The following EXOC1L variants were observed in gnomAD, a reference collection of about 807,000 sequenced individuals.
EXOC1L encodes exocyst complex component 1 like, also known as exocyst complex component 1-like.
EXOC1L carries 10 observed loss-of-function variants against 4.9 expected under a neutral mutation model. That is an observed-to-expected ratio of 2.02 (90% confidence interval 1.25 to 3.43). The LOEUF (loss-of-function observed/expected upper bound fraction) is 3.43, where lower values mean the gene tolerates loss of function less well. Among genes scored for constraint, EXOC1L ranks in the 30% most tolerant of loss-of-function variants. The probability of loss-of-function intolerance (pLI) is 0.00; values close to 1 mark genes in which losing one functional copy is unlikely to be tolerated. For synonymous variants in EXOC1L, 41 were observed against 20.8 expected, an observed-to-expected ratio of 1.97 and a Z score of -2.63; for missense variants, 114 against 59.4, an observed-to-expected ratio of 1.92 and a Z score of -3.02.
At chr4:55,834,056 C>T (rs1720101184) in intron 2 of EXOC1L, among the ~76,000 whole-genome samples, 1 of 151,942 alleles carries the variant, frequency 6.6e-6, no homozygotes, top group African/African-American at 2.4e-5. Flanking sequence ...GCATTTATTA[C>T]ATTTTTTACA....
At chr4:55,824,349 A>T (rs940083168) in intron 1 of EXOC1L, among the ~76,000 whole-genome samples, 5 of 151,450 alleles carry the variant, frequency 3.3e-5, no homozygotes, top group African/African-American at 1.2e-4. Flanking sequence ...CTATGGAGGA[A>T]TTTATTTAAA....
At chr4:55,827,626 A>G (rs569316725) in intron 1 of EXOC1L, among the ~76,000 whole-genome samples, 1 of 152,334 alleles carries the variant, frequency 6.6e-6, no homozygotes, top group South Asian at 2.1e-4. Flanking sequence ...CATGCTTTTC[A>G]TAACATGTAG....
At chr4:55,829,259 T>C (rs1467585126) in intron 1 of EXOC1L, among the ~76,000 whole-genome samples, 1 of 152,204 alleles carries the variant, frequency 6.6e-6, no homozygotes, top group African/African-American at 2.4e-5. Context: ...CTAAGTTCTT[T>C]ATATATTTTG....
intron 1 of EXOC1L, among the ~76,000 whole-genome samples, chr4:55,827,610 C>T (rs1426484468): frequency 6.6e-6 from 1 of 152,128 alleles, no homozygotes; most frequent in Admixed American, 6.6e-5. Context: ...CTACAAATGA[C>T]CATAACATGC....
chr4:55,826,511 A>G (rs1719890388), intron 1 of EXOC1L, among the ~76,000 whole-genome samples: 1 of 152,242 alleles, frequency 6.6e-6, no homozygotes, highest in African/African-American at 2.4e-5. Flanking sequence ...TAAAATTATA[A>G]TTCTGAAAAT....
At chr4:55,823,780 C>T (rs1719806786) in intron 1 of EXOC1L, among the ~76,000 whole-genome samples, 2 of 152,132 alleles carry the variant, frequency 1.3e-5, no homozygotes, top group South Asian at 4.1e-4. Context: ...ACGATTTCGG[C>T]TCACTGCAAT....
chr4:55,831,092 A>G (rs2110284120), intron 1 of EXOC1L, among the ~76,000 whole-genome samples: 1 of 152,306 alleles, frequency 6.6e-6, no homozygotes, highest in Middle Eastern at 3.4e-3. Flanking sequence ...GTTCTATTTA[A>G]CAGACATTAC....
At position 55,837,246 on chromosome 4, in the gene EXOC1L, T is replaced by C; in HGVS notation, c.414T>C (p.Asp138=). Residue 138 remains aspartate (D), a synonymous_variant, in exon 3 of 3, where the codon GAT becomes GAC. Transcript: ENST00000636125. ...IVNFDSTYIN[D]DSIWSSNNKD... is the part of the protein sequence containing the mutation. ...ACTTTGATTCTACATACATTAACGA[T>C]GATTCCATTTGGTCCTCCAACAATA... 2.9e-6 allele frequency: 2 copies of C among 701,424 alleles called. No individual in the cohort carries two copies. Among genetic ancestry groups the C allele is most frequent in the Non-Finnish European group, 2.6e-6 (1 of 384,058 alleles). The allele number at this position is 701,424 out of a possible 1,614,324, so 43.5% of individuals were successfully genotyped here.
intron 1 of EXOC1L, among the ~76,000 whole-genome samples, chr4:55,826,934 A>C (rs1163297369): frequency 6.6e-6 from 1 of 152,192 alleles, no homozygotes; most frequent in African/African-American, 2.4e-5. Flanking sequence ...TTAATGTAAG[A>C]AAATGTGATG....
In EXOC1L at chr4:55,836,009, T is replaced by C. The variant is rs563479540; in HGVS notation, c.253-1076T>C. Among the ~76,000 whole-genome samples the C allele has an allele frequency of 5.3e-5, 8 of 152,050 alleles. No homozygotes were observed. In the East Asian group the frequency reaches 1.5e-3, roughly 29 times the overall value. Reference sequence around the variant, plus strand: ...GGAGAAAAATGAGAGTCAGATCAGATAAGCATTTTGCCCATGGAACAATCA... The same window carrying C: ...GGAGAAAAATGAGAGTCAGATCAGACAAGCATTTTGCCCATGGAACAATCA... On this transcript the variant is annotated intron_variant, in intron 2 of 2. Coordinates refer to ENST00000636125, the MANE Select transcript of EXOC1L (RefSeq NM_001351574.3).
intron 1 of EXOC1L, among the ~76,000 whole-genome samples, chr4:55,828,467 A>G (rs1219865284): frequency 6.6e-6 from 1 of 152,144 alleles, no homozygotes; most frequent in East Asian, 1.9e-4. Context: ...ACCCCTTCTC[A>G]GACGTCTTTC....
At position 55,830,625 on chromosome 4, in the gene EXOC1L, G is replaced by A. The variant is rs964381170; in HGVS notation, c.122-709G>A. On this transcript the variant is annotated intron_variant, in intron 1 of 2. Coordinates refer to ENST00000636125, the MANE Select transcript of EXOC1L (RefSeq NM_001351574.3). ...ACCAAATGATTTTAAGACAAAAAAA[G>A]CATTTCCCTCATTTTGTTCCCACAA... is the stretch of plus-strand genomic sequence containing the variant. Among the ~76,000 whole-genome samples, 5 of 152,072 alleles carry A rather than the reference G, an allele frequency of 3.3e-5. No homozygotes were observed. In the South Asian group the frequency reaches 6.2e-4, roughly 19 times the overall value.
intron 1 of EXOC1L, among the ~76,000 whole-genome samples, chr4:55,821,706 A>T (rs1719748484): frequency 6.6e-6 from 1 of 152,188 alleles, no homozygotes; most frequent in South Asian, 2.1e-4. Flanking sequence ...TAATTCTGTC[A>T]TGTAAGAAAC....
chr4:55,830,812 A>C (rs1279655258), intron 1 of EXOC1L, among the ~76,000 whole-genome samples: 1 of 152,190 alleles, frequency 6.6e-6, no homozygotes, highest in Non-Finnish European at 1.5e-5. Flanking sequence ...GCATTTCTAC[A>C]TTGTAAGTCT....
Position 55,837,455 on chromosome 4 carries a change from T to C in EXOC1L, c.*104T>C. On this transcript the variant is annotated 3_prime_UTR_variant, in exon 3 of 3. Transcript: ENST00000636125. ...TTCCTTCATCAGTGATTATTATAAT[T>C]TAAATAAAAATAAAGTAATGCTTTG... 2 of 449,140 alleles carry C rather than the reference T, an allele frequency of 4.5e-6. No individual in the cohort carries two copies. The highest frequency in any genetic ancestry group is 7.9e-6 in the Non-Finnish European group (2 of 254,146). 27.8% of individuals were successfully genotyped at this position (449,140 alleles called of 1,614,324 possible). A position where few individuals can be genotyped will look rare whatever the true frequency, so the allele number is the denominator to read the frequency against.
At chr4:55,833,452 T>TA (rs1441739201) in intron 2 of EXOC1L, among the ~76,000 whole-genome samples, 1 of 151,846 alleles carries the variant, frequency 6.6e-6, no homozygotes, top group Non-Finnish European at 1.5e-5. Flanking sequence ...GTGATAAGAT[T>TA]ACAAATTTTT....
chr4:55,833,491 C>CTA (rs1425240406), intron 2 of EXOC1L, among the ~76,000 whole-genome samples: 1 of 151,552 alleles, frequency 6.6e-6, no homozygotes, highest in African/African-American at 2.4e-5. Flanking sequence ...TTATATTTTT[C>CTA]TGTACTTGTC....
rs1720091184 is a variant in EXOC1L at position 55,833,720 on chromosome 4, G to A, written c.252+2256G>A. Among the ~76,000 whole-genome samples, 3 of 151,816 alleles carry A rather than the reference G, an allele frequency of 2.0e-5. 1 individual carries two copies. Among genetic ancestry groups the A allele is most frequent in the Admixed American group, 2.0e-4 (3 of 15,196 alleles). On this transcript the variant is annotated intron_variant, in intron 2 of 2. Transcript: ENST00000636125. ...TATATTCACCAGGACTGTCAATTTA[G>A]ATTCATTTCAAATCAACTAACTGTG...
intron 1 of EXOC1L, among the ~76,000 whole-genome samples, chr4:55,821,524 A>G (rs1719740704): frequency 6.6e-6 from 1 of 152,164 alleles, no homozygotes; most frequent in Non-Finnish European, 1.5e-5. Flanking sequence ...TAACATTAGT[A>G]TACACATATT....
Sources: allele counts gnomAD v4.1 joint callset (sites outside exome capture counted in the v4.1 genomes callset), GRCh38; gene constraint gnomAD v4.1.1; transcripts MANE v1.5; gene names NCBI Gene and HGNC (gene_info 2026-07-23, HGNC 2026-07-21).